The following RUNDC3B variants were observed in gnomAD, a reference collection of about 807,000 sequenced individuals.
RUNDC3B encodes RUN domain containing 3B, also known as RUN domain-containing protein 3B.
A neutral mutation model predicts 58.4 loss-of-function variants in RUNDC3B; 33 were observed. That is an observed-to-expected ratio of 0.56 (90% CI 0.43 to 0.75). RUNDC3B has a LOEUF of 0.75. Among genes scored for constraint, RUNDC3B ranks in the 30% least tolerant of loss-of-function variants. The probability of loss-of-function intolerance (pLI) is 0.00; values close to 1 mark genes in which losing one functional copy is unlikely to be tolerated. For missense variants in RUNDC3B, 501 were observed against 535.7 expected, an observed-to-expected ratio of 0.94 and a Z score of 0.64; for synonymous variants, 193 against 195.2, an observed-to-expected ratio of 0.99 and a Z score of 0.10.
intron 3 of RUNDC3B, among the ~76,000 whole-genome samples, chr7:87,709,033 TTTATAAGTCTG>T (rs1450754369): frequency 6.6e-6 from 1 of 152,224 alleles, no homozygotes; most frequent in Non-Finnish European, 1.5e-5. Context: ...CCAAACAATC[TTTATAAGTCTG>T]TTTGTCTTCT....
intron 10 of RUNDC3B, among the ~76,000 whole-genome samples, chr7:87,818,216 G>C (rs923952768): frequency 6.6e-6 from 1 of 152,000 alleles, no homozygotes; most frequent in East Asian, 1.9e-4. Flanking sequence ...GATATCAACA[G>C]GACAAGAGTA....
chr7:87,769,791 T>C (rs1834173293), intron 6 of RUNDC3B, among the ~76,000 whole-genome samples: 2 of 152,094 alleles, frequency 1.3e-5, no homozygotes, highest in African/African-American at 2.4e-5. Context: ...GTCCTAATGC[T>C]CTCCCTTCCC....
chr7:87,727,122 A>G (rs541393448), intron 4 of RUNDC3B, among the ~76,000 whole-genome samples: 11 of 152,264 alleles, frequency 7.2e-5, no homozygotes, highest in East Asian at 1.9e-4. Flanking sequence ...TCCCAACACT[A>G]TGTTGAATAG....
At chr7:87,693,339 T>C (rs1236106410) in intron 2 of RUNDC3B, among the ~76,000 whole-genome samples, 4 of 152,190 alleles carry the variant, frequency 2.6e-5, no homozygotes, top group Non-Finnish European at 1.5e-5. Flanking sequence ...TGCTGCTCTC[T>C]ACAGGGAAGA....
chr7:87,778,166 G>A (rs1190812955), intron 8 of RUNDC3B, among the ~76,000 whole-genome samples: 1 of 152,102 alleles, frequency 6.6e-6, no homozygotes, highest in Non-Finnish European at 1.5e-5. Flanking sequence ...GAAGAGGCCT[G>A]GTGCAGTGGC....
chr7:87,651,451 A>G (rs1441271939), intron 2 of RUNDC3B, among the ~76,000 whole-genome samples: 1 of 152,154 alleles, frequency 6.6e-6, no homozygotes, highest in Non-Finnish European at 1.5e-5. Flanking sequence ...CTTGGAAGCT[A>G]TACTCTCTGA....
chr7:87,741,994 T>A (rs573682985), intron 6 of RUNDC3B, among the ~76,000 whole-genome samples: 1 of 152,336 alleles, frequency 6.6e-6, no homozygotes, highest in South Asian at 2.1e-4. Flanking sequence ...TTGTAAATTG[T>A]CGGAGCTATC....
intron 2 of RUNDC3B, among the ~76,000 whole-genome samples, chr7:87,673,225 G>A (rs1208833558): frequency 6.6e-6 from 1 of 152,036 alleles, no homozygotes; most frequent in Non-Finnish European, 1.5e-5. Flanking sequence ...ATAGTATTTT[G>A]CAGGATTCTC....
intron 2 of RUNDC3B, among the ~76,000 whole-genome samples, chr7:87,666,017 G>T (rs1253445757): frequency 6.6e-6 from 1 of 151,994 alleles, no homozygotes; most frequent in Non-Finnish European, 1.5e-5. Flanking sequence ...GGGATTGCTG[G>T]GTCGAATGGT....
intron 8 of RUNDC3B, among the ~76,000 whole-genome samples, chr7:87,793,908 A>G (rs1408147439): frequency 1.3e-5 from 2 of 152,220 alleles, no homozygotes; most frequent in Admixed American, 6.5e-5. Flanking sequence ...TTGTTTGCAG[A>G]TGATATGATC....
chr7:87,715,124 T>C (rs1830441094), intron 4 of RUNDC3B, among the ~76,000 whole-genome samples: 1 of 148,346 alleles, frequency 6.7e-6, no homozygotes, highest in African/African-American at 2.5e-5. Context: ...GCAAATTCAA[T>C]GCAATAACTC....
At chr7:87,695,356 GATA>G (rs988562068) in intron 2 of RUNDC3B, among the ~76,000 whole-genome samples, 2 of 152,002 alleles carry the variant, frequency 1.3e-5, no homozygotes, top group African/African-American at 4.8e-5. Flanking sequence ...TAAAATAGTG[GATA>G]ATATTAAACT....
intron 2 of RUNDC3B, among the ~76,000 whole-genome samples, chr7:87,674,158 G>T (rs534502915): frequency 6.6e-6 from 1 of 152,214 alleles, no homozygotes; most frequent in Non-Finnish European, 1.5e-5. Context: ...CTTCATCGAG[G>T]TGGTGGCAGT....
intron 4 of RUNDC3B, among the ~76,000 whole-genome samples, chr7:87,734,252 C>T (rs1365486059): frequency 6.6e-6 from 1 of 152,142 alleles, no homozygotes; most frequent in Non-Finnish European, 1.5e-5. Context: ...AAAGGTTAAA[C>T]ATAGAGTTAC....
rs1834026882 is a variant in RUNDC3B at position 87,767,314 on chromosome 7, G to A, written c.630-3267G>A. On this transcript the variant is annotated intron_variant, in intron 6 of 10. Coordinates refer to ENST00000394654, the MANE Select transcript of RUNDC3B (RefSeq NM_001134405.2). ...AGATGTCAAAACACTCTATCCTTTT[G>A]TGCTGCCAGAGTTCTTACACTAATT... Among the ~76,000 whole-genome samples, 5 of 152,116 alleles carry A rather than the reference G, an allele frequency of 3.3e-5. No individual in the cohort carries two copies. In the South Asian group the frequency reaches 1.0e-3, roughly 32 times the overall value.
chr7:87,747,499 G>C (rs991342190), intron 6 of RUNDC3B, among the ~76,000 whole-genome samples: 1 of 152,186 alleles, frequency 6.6e-6, no homozygotes, highest in Non-Finnish European at 1.5e-5. Context: ...AGCATCAGCT[G>C]TGGTAGTATG....
chr7:87,688,869 A>G (rs1021839820), intron 2 of RUNDC3B, among the ~76,000 whole-genome samples: 3 of 151,964 alleles, frequency 2.0e-5, no homozygotes, highest in African/African-American at 7.2e-5. Flanking sequence ...ATTTGTATTT[A>G]TTTATAATGA....
intron 9 of RUNDC3B, among the ~76,000 whole-genome samples, chr7:87,809,752 T>TG (rs1283440567): frequency 6.6e-6 from 1 of 152,168 alleles, no homozygotes; most frequent in Admixed American, 6.5e-5. Context: ...TCATATAAAA[T>TG]GGAGGCTTTG....
chr7:87,828,209 G>A (rs1321574007), intron 10 of RUNDC3B, among the ~76,000 whole-genome samples: 3 of 152,136 alleles, frequency 2.0e-5, no homozygotes, highest in African/African-American at 7.2e-5. Flanking sequence ...TTATTATACT[G>A]TCTTTTTTAA....
Sources: gnomAD v4.1 joint callset for allele counts (sites outside exome capture counted in the v4.1 genomes callset) on GRCh38, gnomAD v4.1.1 for gene constraint, MANE v1.5 for transcripts, NCBI Gene and HGNC (gene_info 2026-07-23, HGNC 2026-07-21) for gene names.